Variants in NRXN1 observed in about 807,000 individuals in gnomAD.
The protein encoded by NRXN1 is neurexin 1, also known as neurexin-1.
In NRXN1, 39 loss-of-function variants were observed where a neutral mutation model predicts 150.9. The observed-to-expected ratio is 0.26, with a 90% CI of 0.20 to 0.34. NRXN1 has a LOEUF of 0.34. NRXN1 is among the 10% of genes least tolerant of loss of function. The pLI is 1.00. For synonymous variants in NRXN1, 924 were observed against 757.0 expected (o/e 1.22, Z -3.62); for missense variants, 1,815 against 1,949.9 (o/e 0.93, Z 1.30).
intron 18 of NRXN1, among the ~76,000 whole-genome samples, chr2:50,186,638 G>T (rs931266960): frequency 6.6e-6 from 1 of 152,028 alleles, no homozygotes; most frequent in African/African-American, 2.4e-5. Context: ...TTGACAGTAA[G>T]AAGCTCAGAA....
intron 21 of NRXN1, among the ~76,000 whole-genome samples, chr2:49,948,785 T>A (rs1673402638): frequency 6.6e-6 from 1 of 151,982 alleles, no homozygotes; most frequent in Non-Finnish European, 1.5e-5. Flanking sequence ...TTTAGTATAC[T>A]TTTCCCTGAT....
intron 18 of NRXN1, chr2:50,105,428 A>C (rs1274051801): frequency 1.3e-5 from 2 of 152,066 alleles, no homozygotes; most frequent in Non-Finnish European, 1.5e-5. Flanking sequence ...AGGAACACTC[A>C]GAGAAATAGC....
At chr2:50,979,431 T>A (rs2104865902) in intron 2 of NRXN1, among the ~76,000 whole-genome samples, 1 of 152,188 alleles carries the variant, frequency 6.6e-6, no homozygotes, top group East Asian at 1.9e-4. Flanking sequence ...ATTCAGGACA[T>A]GAAACCAGGA....
intron 2 of NRXN1, among the ~76,000 whole-genome samples, chr2:50,983,415 A>G (rs1183342264): frequency 6.6e-6 from 1 of 152,132 alleles, no homozygotes; most frequent in East Asian, 1.9e-4. Context: ...ACCAGAATCA[A>G]TATTTTCTTT....
In NRXN1 at chr2:49,924,982, C is replaced by A. The variant is rs557004696; in HGVS notation, c.4217-2731G>T. Among the ~76,000 whole-genome samples, 31 of 152,018 alleles carry A rather than the reference C, an allele frequency of 2.0e-4. No individual in the cohort carries two copies. The East Asian group carries it at 5.4e-3, about 26-fold the overall frequency. On this transcript the variant is annotated intron_variant, in intron 22 of 22. Coordinates refer to ENST00000401669, the MANE Select transcript of NRXN1 (RefSeq NM_001330078.2). ...CTAAGTGAAATTTTTCTTAACTTTT[C>A]TTCTGAGACTAGAAATATTTATGTG... is the stretch of plus-strand genomic sequence containing the variant.
chr2:50,478,219 C>T (rs2104758741), intron 15 of NRXN1, among the ~76,000 whole-genome samples: 1 of 152,194 alleles, frequency 6.6e-6, no homozygotes, highest in South Asian at 2.1e-4. Context: ...TGTTTGCTTT[C>T]TTAGTAGAAA....
chr2:50,944,213 GA>G (rs1689947167), intron 2 of NRXN1, among the ~76,000 whole-genome samples: 1 of 152,058 alleles, frequency 6.6e-6, no homozygotes, highest in South Asian at 2.1e-4. Flanking sequence ...GCAAATCTTG[GA>G]AAAAAAGTTG....
rs115598026 is a variant in NRXN1, at chr2:50,839,308, G to A, written c.832+82561C>T. On this transcript the variant is annotated intron_variant, in intron 5 of 22. Coordinates refer to ENST00000401669, the MANE Select transcript of NRXN1 (RefSeq NM_001330078.2). Reference sequence around the variant, plus strand: ...ATGATCCCTTTACTATTACATGCAAGAGGATGTGAAATTTAAAAACTATGA... The same window carrying A: ...ATGATCCCTTTACTATTACATGCAAAAGGATGTGAAATTTAAAAACTATGA... Among the ~76,000 whole-genome samples the A allele has an allele frequency of 0.02, 3,050 of 152,060 alleles. 102 individuals carry two copies. Among genetic ancestry groups the A allele is most frequent in the African/African-American group, 0.071 (2,940 of 41,458 alleles).
chr2:50,999,753 T>C (rs1362222516), intron 2 of NRXN1, among the ~76,000 whole-genome samples: 1 of 151,984 alleles, frequency 6.6e-6, no homozygotes, highest in Non-Finnish European at 1.5e-5. Context: ...TTCCACTCTA[T>C]GGTAAAACCA....
intron 17 of NRXN1, among the ~76,000 whole-genome samples, chr2:50,324,851 T>G (rs1251423944): frequency 6.6e-6 from 1 of 152,238 alleles, no homozygotes; most frequent in African/African-American, 2.4e-5. Context: ...TTTCCTTAAT[T>G]GGAACTCCTT....
intron 21 of NRXN1, among the ~76,000 whole-genome samples, chr2:50,014,294 T>C (rs1322106542): frequency 6.6e-6 from 1 of 152,142 alleles, no homozygotes; most frequent in Non-Finnish European, 1.5e-5. Context: ...TAATGAATGA[T>C]GATCATGGTT....
At chr2:50,512,988 T>C (rs2092508790) in intron 12 of NRXN1, among the ~76,000 whole-genome samples, 1 of 152,140 alleles carries the variant, frequency 6.6e-6, no homozygotes, top group South Asian at 2.1e-4. Context: ...TTGAACTTGG[T>C]TGAGAGTTAT....
chr2:50,648,803 T>C (rs1472352533), intron 5 of NRXN1, among the ~76,000 whole-genome samples: 2 of 151,574 alleles, frequency 1.3e-5, no homozygotes, highest in Non-Finnish European at 2.9e-5. Context: ...CGTGCTGAAC[T>C]GCGAAGCCAA....
At chr2:50,276,022 T>C (rs1344965472) in intron 17 of NRXN1, among the ~76,000 whole-genome samples, 1 of 148,148 alleles carries the variant, frequency 6.8e-6, no homozygotes, top group Non-Finnish European at 1.5e-5. Context: ...GCAATTTTGC[T>C]GGTTAATTTA....
intron 21 of NRXN1, among the ~76,000 whole-genome samples, chr2:50,021,675 A>G (rs909527727): frequency 2.0e-5 from 3 of 152,218 alleles, no homozygotes; most frequent in African/African-American, 4.8e-5. Flanking sequence ...AGACGTTAGA[A>G]TTTCTCAAAT....
intron 16 of NRXN1, among the ~76,000 whole-genome samples, chr2:50,469,549 A>G (rs545331728): frequency 2.6e-5 from 4 of 151,674 alleles, no homozygotes; most frequent in Admixed American, 6.6e-5. Flanking sequence ...ATGACATAAC[A>G]ATCTTTAGAA....
chr2:50,157,222 T>C (rs1160005218), intron 18 of NRXN1, among the ~76,000 whole-genome samples: 1 of 151,974 alleles, frequency 6.6e-6, no homozygotes, highest in Non-Finnish European at 1.5e-5. Context: ...GGAGGTAAGA[T>C]ATGCATGCAT....
chr2:50,667,605 C>CT (rs1297061931), intron 5 of NRXN1, among the ~76,000 whole-genome samples: 1 of 151,960 alleles, frequency 6.6e-6, no homozygotes, highest in Non-Finnish European at 1.5e-5. Context: ...AATCTGAACT[C>CT]TGAGTTTTCT....
intron 18 of NRXN1, 69 bp from the exon 19 acceptor site, chr2:50,091,563 C>A: frequency 6.6e-7 from 1 of 1,514,228 alleles, no homozygotes; most frequent in Non-Finnish European, 9.1e-7. Flanking sequence ...AGATTACATA[C>A]AAGGTATTGT....
Sources: gnomAD v4.1 joint callset for allele counts (sites outside exome capture counted in the v4.1 genomes callset) on GRCh38, gnomAD v4.1.1 for gene constraint, MANE v1.5 for transcripts, NCBI Gene and HGNC (gene_info 2026-07-23, HGNC 2026-07-21) for gene names.